LOC400499: variants seen among roughly 807,000 people sequenced by gnomAD.
the LOC400499 span, among the ~76,000 whole-genome samples, chr16:11,494,223 C>G: frequency 1.5e-4 from 22 of 148,258 alleles, no homozygotes; most frequent in African/African-American, 5.5e-4. Flanking sequence ...TACCCACCTT[C>G]TCGGGGTAGG....
the LOC400499 span, among the ~76,000 whole-genome samples, chr16:11,382,624 T>A: frequency 2.7e-5 from 2 of 75,068 alleles, no homozygotes; most frequent in Non-Finnish European, 5.9e-5. Context: ...GGGCTGAGTA[T>A]TTTCCCTAAA....
At chr16:11,494,187 G>C in the LOC400499 span, among the ~76,000 whole-genome samples, 1 of 139,164 alleles carries the variant, frequency 7.2e-6, no homozygotes, top group Admixed American at 7.1e-5. Context: ...AGGCAGTGGT[G>C]TGGGGGGTGG....
the LOC400499 span, among the ~76,000 whole-genome samples, chr16:11,484,656 C>T: frequency 6.6e-6 from 1 of 152,096 alleles, no homozygotes; most frequent in South Asian, 2.1e-4. Flanking sequence ...TGTACACTTA[C>T]AACTTAGGGA....
At chr16:11,437,288 G>T in the LOC400499 span, among the ~76,000 whole-genome samples, 1 of 152,172 alleles carries the variant, frequency 6.6e-6, no homozygotes, top group Non-Finnish European at 1.5e-5. Flanking sequence ...GGCAGGGCAC[G>T]ATGACTCACA....
At chr16:11,484,994 C>T in the LOC400499 span, 1 of 399,054 alleles carries the variant, frequency 2.5e-6, no homozygotes, top group South Asian at 1.3e-4. Flanking sequence ...AGGCTCTCTC[C>T]CGTCTTCCTG....
At chr16:11,388,056 A>C in the LOC400499 span, among the ~76,000 whole-genome samples, 2 of 152,110 alleles carry the variant, frequency 1.3e-5, no homozygotes, top group Non-Finnish European at 2.9e-5. Flanking sequence ...GGGAAGACAA[A>C]CATCTCATAC....
At chr16:11,514,704 T>TCAC in the LOC400499 span, among the ~76,000 whole-genome samples, 1 of 152,006 alleles carries the variant, frequency 6.6e-6, no homozygotes, top group Non-Finnish European at 1.5e-5. Context: ...CATCCCTGCG[T>TCAC]CACCCACCCC....
the LOC400499 span, among the ~76,000 whole-genome samples, chr16:11,483,501 G>A: frequency 2.0e-5 from 3 of 152,108 alleles, no homozygotes; most frequent in African/African-American, 4.8e-5. Context: ...ATAACCTATA[G>A]CATGGGTGAG....
At chr16:11,477,943 G>A in the LOC400499 span, 8 of 398,894 alleles carry the variant, frequency 2.0e-5, no homozygotes, top group Admixed American at 1.3e-4. Context: ...GGCCAGACAC[G>A]GTGGGAAAGA....
chr16:11,398,672 T>TA, the LOC400499 span, among the ~76,000 whole-genome samples: 1 of 151,474 alleles, frequency 6.6e-6, no homozygotes, highest in African/African-American at 2.4e-5. Context: ...CAGGATTTTT[T>TA]TTTTTTTGAG....
At chr16:11,470,970 G>A in the LOC400499 span, among the ~76,000 whole-genome samples, 10 of 152,264 alleles carry the variant, frequency 6.6e-5, no homozygotes, top group African/African-American at 2.4e-4. Flanking sequence ...GGGCCAGTGT[G>A]TCTTCAGGGC....
chr16:11,520,252 T>C, the LOC400499 span, among the ~76,000 whole-genome samples: 1 of 152,196 alleles, frequency 6.6e-6, no homozygotes, highest in Non-Finnish European at 1.5e-5. Context: ...CCATATTATA[T>C]TTTAATCACA....
At chr16:11,488,079 T>C in the LOC400499 span, among the ~76,000 whole-genome samples, 2 of 150,540 alleles carry the variant, frequency 1.3e-5, no homozygotes, top group Non-Finnish European at 2.9e-5. Flanking sequence ...ATTGTGCCAC[T>C]GTACTCCAGC....
chr16:11,501,680 G>C, the LOC400499 span, among the ~76,000 whole-genome samples: 1,114 of 152,092 alleles, frequency 7.3e-3, 15 homozygotes, highest in African/African-American at 0.026. Flanking sequence ...AGATCAGCAA[G>C]GTCTGGGTGG....
chr16:11,458,338 T>A, the LOC400499 span, among the ~76,000 whole-genome samples: 28 of 151,850 alleles, frequency 1.8e-4, no homozygotes, highest in African/African-American at 6.3e-4. Flanking sequence ...AGGCTGAGAC[T>A]CCATCTCAAA....
chr16:11,384,351 C>G, the LOC400499 span: 22 of 1,194,356 alleles, frequency 1.8e-5, no homozygotes, highest in East Asian at 5.1e-4. Flanking sequence ...AAGCGGAGGC[C>G]GGCCGTAAGA....
the LOC400499 span, among the ~76,000 whole-genome samples, chr16:11,433,594 T>C: frequency 6.6e-6 from 1 of 152,174 alleles, no homozygotes; most frequent in Non-Finnish European, 1.5e-5. Context: ...TCTAATGAGG[T>C]GACTCTTGGT....
At chr16:11,446,817 C>T in the LOC400499 span, 1 of 1,536,146 alleles carries the variant, frequency 6.5e-7, no homozygotes, top group Non-Finnish European at 8.7e-7. Context: ...TCAGGACAAC[C>T]CTAGTCTCCA....
At chr16:11,509,482 A>G in the LOC400499 span, among the ~76,000 whole-genome samples, 1 of 151,916 alleles carries the variant, frequency 6.6e-6, no homozygotes, top group South Asian at 2.1e-4. Flanking sequence ...AAGATCTCCA[A>G]GCCATCGAGT....
Sources: gnomAD v4.1 joint callset for allele counts (sites outside exome capture counted in the v4.1 genomes callset) on GRCh38, gnomAD v4.1.1 for gene constraint, MANE v1.5 for transcripts.